Variants in DENND4A observed in about 807,000 individuals in gnomAD.
The protein encoded by DENND4A is DENN domain containing 4A, also known as C-myc promoter-binding protein.
A neutral mutation model predicts 199.3 loss-of-function variants in DENND4A; 70 were observed. The ratio of observed to expected loss-of-function variants is 0.35; its 90% confidence interval spans 0.29 to 0.43. The LOEUF (loss-of-function observed/expected upper bound fraction) is 0.43. Ranked by LOEUF, DENND4A falls within the 20% of genes least tolerant of loss-of-function variation. The pLI is 1.00. For synonymous variants in DENND4A, 686 were observed against 766.9 expected (o/e 0.89, Z 1.74); for missense variants, 1,723 against 2,255.8 (o/e 0.76, Z 4.78).
chr15:65,740,398 G>A (rs752618796), intron 5 of DENND4A, among the ~76,000 whole-genome samples: 16 of 150,308 alleles, frequency 1.1e-4, no homozygotes, highest in Middle Eastern at 3.4e-3. Flanking sequence ...TCACTTGAGC[G>A]AAGGAGTTCA....
chr15:65,755,564 G>C (rs558833950), intron 3 of DENND4A, among the ~76,000 whole-genome samples: 135 of 152,224 alleles, frequency 8.9e-4, no homozygotes, highest in African/African-American at 3.2e-3. Flanking sequence ...CCAGGAGTTT[G>C]AGACTAGCCT....
intron 1 of DENND4A, among the ~76,000 whole-genome samples, chr15:65,776,838 G>C (rs1315616729): frequency 1.3e-5 from 2 of 152,162 alleles, no homozygotes; most frequent in Non-Finnish European, 2.9e-5. Flanking sequence ...TGGAAAAGCA[G>C]GAAGACTCAG....
At chr15:65,698,726 C>CTTTTT (rs71139423) in intron 20 of DENND4A, among the ~76,000 whole-genome samples, 6 of 72,762 alleles carry the variant, frequency 8.2e-5, no homozygotes, top group Admixed American at 1.7e-4. Context: ...TTAAGATAGC[C>CTTTTT]TTTTTTTTTT....
intron 23 of DENND4A, among the ~76,000 whole-genome samples, chr15:65,681,545 C>T (rs1203187247): frequency 6.6e-6 from 1 of 150,666 alleles, no homozygotes; most frequent in Non-Finnish European, 1.5e-5. Flanking sequence ...CTTTTTTCAT[C>T]ATTCAACTTG....
At chr15:65,715,422 CATTT>C in intron 14 of DENND4A, 52 bp downstream of exon 14, 1 of 1,481,394 alleles carries the variant, frequency 6.8e-7, no homozygotes, top group South Asian at 1.3e-5. Context: ...TAACTCATAA[CATTT>C]ATAACAGTCA....
At chr15:65,771,914 TCAAAGCAA>T in intron 1 of DENND4A, 2 of 1,611,570 alleles carry the variant, frequency 1.2e-6, no homozygotes, top group Non-Finnish European at 8.5e-7. Flanking sequence ...GGATGAAACT[TCAAAGCAA>T]GCTTTCTATA....
chr15:65,785,252 C>T (rs973318503), intron 1 of DENND4A, among the ~76,000 whole-genome samples: 3 of 151,186 alleles, frequency 2.0e-5, no homozygotes, highest in Non-Finnish European at 2.9e-5. Flanking sequence ...ATAATTCCAG[C>T]ACTTTGGGGG....
chr15:65,715,281 T>C, intron 14 of DENND4A, 197 bp downstream of exon 14: 1 of 455,354 alleles, frequency 2.2e-6, no homozygotes, highest in Admixed American at 4.4e-5. Context: ...TACCTTGTAG[T>C]AAAATTCTAC....
chr15:65,766,094 T>C (rs561897027), intron 1 of DENND4A, among the ~76,000 whole-genome samples: 9 of 151,796 alleles, frequency 5.9e-5, no homozygotes, highest in African/African-American at 1.7e-4. Context: ...ACTAAAAAAT[T>C]ACAAAAATTA....
At chr15:65,672,764 C>T (rs979653951) in intron 24 of DENND4A, among the ~76,000 whole-genome samples, 3 of 152,052 alleles carry the variant, frequency 2.0e-5, no homozygotes. Context: ...AATCAGTTGT[C>T]GACAGTGATT....
intron 1 of DENND4A, among the ~76,000 whole-genome samples, chr15:65,765,141 TTGACACAGAAGATGAGGC>T (rs2076949964): frequency 1.3e-5 from 2 of 152,224 alleles, no homozygotes. Context: ...GATTTTCTAT[TTGACACAGAAGATGAGGC>T]TGACACAAAA....
In DENND4A at chr15:65,700,607, C is replaced by T; in HGVS notation, c.2770G>A (p.Glu924Lys). The change falls in exon 20 of 33, where the codon GAG (glutamate) becomes AAG (lysine). Residue 924 changes from glutamate (E) to lysine (K), a missense_variant. By Grantham distance (56) the Glu-to-Lys change is moderately conservative. Coordinates refer to ENST00000443035, the MANE Select transcript of DENND4A (RefSeq NM_001320835.1). ...MDSGHGTHTVEQAPFNTGLIK... is the reference protein window; with the variant it reads ...MDSGHGTHTVKQAPFNTGLIK... ...AAACCCGTATTAAAAGGTGCCTGCTCCACAGTGTGTGTCCCATGACCACTA... is the reference window on the plus strand; with the variant it reads ...AAACCCGTATTAAAAGGTGCCTGCTTCACAGTGTGTGTCCCATGACCACTA... 6.5e-7 allele frequency: 1 copy of T among 1,547,140 alleles called. No homozygotes were observed. Among genetic ancestry groups the T allele is most frequent in the South Asian group, 1.2e-5 (1 of 83,470 alleles).
At chr15:65,735,236 G>A (rs2076080280) in intron 7 of DENND4A, among the ~76,000 whole-genome samples, 2 of 151,994 alleles carry the variant, frequency 1.3e-5, no homozygotes, top group African/African-American at 4.8e-5. Context: ...AAATCAGCCA[G>A]GTGTGGTGGC....
intron 12 of DENND4A, among the ~76,000 whole-genome samples, chr15:65,719,684 G>A (rs2075544925): frequency 6.6e-6 from 1 of 151,918 alleles, no homozygotes; most frequent in Admixed American, 6.6e-5. Context: ...GAGCCCAGAA[G>A]TTCAAGACCA....
chr15:65,729,011 G>T, intron 11 of DENND4A, 61 bp downstream of exon 11: 1 of 1,410,424 alleles, frequency 7.1e-7, no homozygotes, highest in Non-Finnish European at 9.8e-7. Flanking sequence ...AAAATATACA[G>T]TTACATACAT....
In DENND4A at chr15:65,700,529, T is replaced by A. The variant is rs918890149; in HGVS notation, c.2833+15A>T. On this transcript the variant is annotated intron_variant, in intron 20 of 32. Transcript: ENST00000443035. ...AAATGTACTATAATAAATGTATACA[T>A]AAGCATACACAAACCTGTACTAGAT... 4.9e-6 allele frequency: 7 copies of A among 1,418,196 alleles called. No individual in the cohort carries two copies. The highest frequency in any genetic ancestry group is 6.5e-6 in the Non-Finnish European group (7 of 1,078,314). The allele number at this position is 1,418,196 out of a possible 1,614,324, so 87.9% of individuals were successfully genotyped here.
intron 23 of DENND4A, among the ~76,000 whole-genome samples, chr15:65,679,238 A>G (rs2076488475): frequency 6.6e-6 from 1 of 151,888 alleles, no homozygotes; most frequent in Non-Finnish European, 1.5e-5. Context: ...GGTAGCTGGG[A>G]CTACAGGTGC....
chr15:65,731,052 C>T (rs117371650), intron 9 of DENND4A, among the ~76,000 whole-genome samples: 1,912 of 152,098 alleles, frequency 0.013, 12 homozygotes, highest in Non-Finnish European at 0.02. Context: ...GCAATTCTTA[C>T]AAAATTAATG....
intron 4 of DENND4A, among the ~76,000 whole-genome samples, chr15:65,751,679 G>C (rs954621596): frequency 9.9e-5 from 15 of 152,246 alleles, no homozygotes; most frequent in Admixed American, 8.5e-4. Context: ...CCTAAGAAGA[G>C]AGTATATTTC....
Sources: gnomAD v4.1 joint callset for allele counts (sites outside exome capture counted in the v4.1 genomes callset) on GRCh38, gnomAD v4.1.1 for gene constraint, MANE v1.5 for transcripts, NCBI Gene and HGNC (gene_info 2026-07-23, HGNC 2026-07-21) for gene names.